SH3PXD2A: variants seen among roughly 807,000 people sequenced by gnomAD.
The protein encoded by SH3PXD2A is SH3 and PX domains 2A, also known as SH3 and PX domain-containing protein 2A.
Under a neutral mutation model 115.2 loss-of-function variants are expected in SH3PXD2A, and 32 were observed. That is an observed-to-expected ratio of 0.28 (90% CI 0.21 to 0.37). The LOEUF (loss-of-function observed/expected upper bound fraction) is 0.37, where lower values mean the gene tolerates loss of function less well. Among genes scored for constraint, SH3PXD2A ranks in the 10% least tolerant of loss-of-function variants. The probability of loss-of-function intolerance (pLI) is 1.00; values close to 1 mark genes in which losing one functional copy is unlikely to be tolerated. For synonymous variants in SH3PXD2A, 610 were observed against 629.1 expected, an observed-to-expected ratio of 0.97 and a Z score of 0.45; for missense variants, 1,328 against 1,498.7, an observed-to-expected ratio of 0.89 and a Z score of 1.88.
At chr10:103,606,376 ATT>A (rs34117845) in intron 13 of SH3PXD2A, among the ~76,000 whole-genome samples, 2 of 78,278 alleles carry the variant, frequency 2.6e-5, no homozygotes, top group Non-Finnish European at 4.9e-5. Flanking sequence ...CACCTGGTTA[ATT>A]TTTTTTTTTT....
At chr10:103,734,111 G>A (rs2038353924) in intron 4 of SH3PXD2A, among the ~76,000 whole-genome samples, 1 of 152,274 alleles carries the variant, frequency 6.6e-6, no homozygotes, top group East Asian at 1.9e-4. Flanking sequence ...AGGGCTCAAA[G>A]AGGCAAAGCA....
chr10:103,602,241 G>A lies in SH3PXD2A; in HGVS notation c.2977C>T (p.Leu993=), dbSNP rs1288501953. Residue 993 remains leucine (L), a synonymous_variant, in exon 15 of 15, where the codon CTG becomes TTG. Transcript: ENST00000369774. ...FVSPPPKDNN[L]SCALRRNESL... is the part of the protein sequence containing the mutation. ...TCATTCCTCCGCAGGGCGCAGGACA[G>A]GTTGTTGTCCTTGGGTGGCGGGGAC... The A allele has an allele frequency of 1.2e-6, 2 of 1,609,636 alleles. No homozygotes were observed. The highest frequency in any genetic ancestry group is 2.7e-5 in the African/African-American group (2 of 74,904).
chr10:103,819,233 T>C (rs573931360), intron 1 of SH3PXD2A, among the ~76,000 whole-genome samples: 8 of 152,236 alleles, frequency 5.3e-5, no homozygotes, highest in African/African-American at 1.7e-4. Context: ...TAAGGGACAA[T>C]GTGCTGTAAG....
rs757007740 is a variant in SH3PXD2A at position 103,613,109 on chromosome 10, C to G, written c.1002G>C (p.Leu334=). The G allele has an allele frequency of 3.1e-6, 5 of 1,614,118 alleles. No individual in the cohort carries two copies. In the Admixed American group the frequency reaches 8.3e-5, roughly 27 times the overall value. Residue 334 remains leucine, a synonymous_variant, in exon 12 of 15, where the codon CTG becomes CTC. Transcript: ENST00000369774. ...KDDLPTRKKN[L]AGPVEIIGNI... is the part of the protein sequence containing the mutation. ...TCCCAATGATCTCCACTGGGCCGGCCAGGTTCTTCTTCCGGGTTGGCAGGT... is the reference window on the plus strand; with the variant it reads ...TCCCAATGATCTCCACTGGGCCGGCGAGGTTCTTCTTCCGGGTTGGCAGGT...
intron 2 of SH3PXD2A, among the ~76,000 whole-genome samples, chr10:103,782,194 CG>C (rs1292205024): frequency 3.3e-5 from 5 of 152,186 alleles, no homozygotes; most frequent in African/African-American, 1.2e-4. Context: ...TGTTCCACGC[CG>C]GTGCTACTCA....
Position 103,762,918 on chromosome 10 carries a change from C to A in SH3PXD2A, c.229+4176G>T, listed in dbSNP as rs995088844. Among the ~76,000 whole-genome samples the A allele has an allele frequency of 4.0e-5, 6 of 151,664 alleles. No individual in the cohort carries two copies. The East Asian group carries it at 1.2e-3, about 29-fold the overall frequency. On this transcript the variant is annotated intron_variant, in intron 3 of 14. Transcript: ENST00000369774. Reference sequence around the variant, plus strand: ...CAATCCTTACCCCCAACCTCAGCACCACTGCACAACACTCCATCTGTCCCC... The same window carrying A: ...CAATCCTTACCCCCAACCTCAGCACAACTGCACAACACTCCATCTGTCCCC...
In SH3PXD2A at chr10:103,670,555, G is replaced by A. The variant is rs56925877; in HGVS notation, c.428-1903C>T. Among the ~76,000 whole-genome samples, 49 of 152,284 alleles carry A rather than the reference G, an allele frequency of 3.2e-4. No homozygotes were observed. In the South Asian group the frequency reaches 9.4e-3, roughly 29 times the overall value. The stretch of plus-strand genomic sequence containing the variant: ...CCCCGGCCTGCAAGGACAAGAACTA[G>A]ACAGTGTTCAATACTGGATGCACCA... On this transcript the variant is annotated intron_variant, in intron 6 of 14. Coordinates refer to ENST00000369774, the MANE Select transcript of SH3PXD2A (RefSeq NM_001394015.1).
intron 14 of SH3PXD2A, among the ~76,000 whole-genome samples, chr10:103,605,023 A>T (rs1264664140): frequency 1.3e-5 from 2 of 152,238 alleles, no homozygotes; most frequent in Non-Finnish European, 2.9e-5. Context: ...CACTCAGAGA[A>T]TTGACTAAGT....
At chr10:103,780,751 G>A (rs1337618569) in intron 2 of SH3PXD2A, among the ~76,000 whole-genome samples, 1 of 152,224 alleles carries the variant, frequency 6.6e-6, no homozygotes, top group African/African-American at 2.4e-5. Context: ...TTCCTGGCAT[G>A]AGAAACCAAG....
chr10:103,843,841 C>T (rs1167174263), intron 1 of SH3PXD2A, among the ~76,000 whole-genome samples: 1 of 152,178 alleles, frequency 6.6e-6, no homozygotes, highest in African/African-American at 2.4e-5. Flanking sequence ...GGGCAAGATG[C>T]TGCACCTCCC....
chr10:103,796,474 A>G (rs999673173), intron 2 of SH3PXD2A, among the ~76,000 whole-genome samples: 2 of 151,586 alleles, frequency 1.3e-5, no homozygotes, highest in Non-Finnish European at 2.9e-5. Flanking sequence ...TCTTCATCTC[A>G]TAGCATGTTG....
In SH3PXD2A at chr10:103,735,264, T is replaced by C. The variant is rs118046859; in HGVS notation, c.306+468A>G. 4.7e-4 allele frequency among the ~76,000 whole-genome samples: 72 copies of C among 152,346 alleles called. No individual in the cohort carries two copies. In the East Asian group the frequency reaches 0.012, roughly 26 times the overall value. On this transcript the variant is annotated intron_variant, in intron 4 of 14. Coordinates refer to ENST00000369774, the MANE Select transcript of SH3PXD2A (RefSeq NM_001394015.1). ...GAACACCTGCATCTGTAAAGATGTG[T>C]ACATGAACATTTGTAGTTACCAAGA...
At chr10:103,814,586 A>T (rs1281496976) in intron 1 of SH3PXD2A, among the ~76,000 whole-genome samples, 2 of 152,172 alleles carry the variant, frequency 1.3e-5, no homozygotes, top group Non-Finnish European at 2.9e-5. Context: ...GCAAGGGACG[A>T]GTGACCACCT....
chr10:103,626,664 C>T (rs1017309666), intron 9 of SH3PXD2A, among the ~76,000 whole-genome samples: 7 of 150,476 alleles, frequency 4.7e-5, no homozygotes, highest in African/African-American at 1.7e-4. Context: ...CGGTGGCCCA[C>T]ACCTGTAATT....
rs2037370735 is a variant in SH3PXD2A at position 103,665,354 on chromosome 10, A to AC, written c.472+3253dup. ...GGTTTCAAAGCAGAGTTAAATCCAC[A>AC]CCCCCACACCCCTTCCCCCCACCAC... is the stretch of plus-strand genomic sequence containing the variant. On this transcript the variant is annotated intron_variant, in intron 7 of 14. Transcript: ENST00000369774. The surrounding 1 kb of genome is among the most constrained non-coding windows in gnomAD (Gnocchi z 4.0). Among the ~76,000 whole-genome samples the AC allele has an allele frequency of 6.6e-6, 1 of 151,776 alleles. No homozygotes were observed. The highest frequency in any genetic ancestry group is 2.1e-4 in the South Asian group (1 of 4,806).
At chr10:103,612,205 C>T (rs1372561469) in intron 12 of SH3PXD2A, among the ~76,000 whole-genome samples, 1 of 152,158 alleles carries the variant, frequency 6.6e-6, no homozygotes, top group Non-Finnish European at 1.5e-5. Flanking sequence ...ATTATTGGGC[C>T]AGAGATGGAG....
intron 8 of SH3PXD2A, among the ~76,000 whole-genome samples, chr10:103,628,876 G>A (rs1180579330): frequency 6.6e-6 from 1 of 152,236 alleles, no homozygotes; most frequent in Non-Finnish European, 1.5e-5. Context: ...TCCAAACCCT[G>A]TGTCTCCCAG....
intron 2 of SH3PXD2A, among the ~76,000 whole-genome samples, chr10:103,789,298 G>T (rs1419587451): frequency 6.6e-6 from 1 of 152,188 alleles, no homozygotes; most frequent in Non-Finnish European, 1.5e-5. Flanking sequence ...ATCCTGGGCT[G>T]CCCACTTAGT....
chr10:103,764,333 T>A (rs1326618597), intron 3 of SH3PXD2A, among the ~76,000 whole-genome samples: 2 of 152,148 alleles, frequency 1.3e-5, no homozygotes, highest in African/African-American at 4.8e-5. Context: ...CGGGGTAGGA[T>A]TCCAAATGGC....
Sources: gnomAD v4.1 joint callset for allele counts (sites outside exome capture counted in the v4.1 genomes callset) on GRCh38, gnomAD v4.1.1 for gene constraint, Gnocchi (gnomAD v3.1) non-coding constraint, MANE v1.5 for transcripts, NCBI Gene and HGNC (gene_info 2026-07-23, HGNC 2026-07-21) for gene names.